The following BICRAL variants were observed in gnomAD, a reference collection of about 807,000 sequenced individuals.
BICRAL encodes the protein BRD4-interacting chromatin-remodeling complex-associated protein-like.
Under a neutral mutation model 91.8 loss-of-function variants are expected in BICRAL, and 8 were observed. That is an observed-to-expected ratio of 0.09 (90% CI 0.05 to 0.16). BICRAL has a LOEUF of 0.16. Among genes scored for constraint, BICRAL ranks in the 10% least tolerant of loss-of-function variants. The pLI, the probability that BICRAL is intolerant of heterozygous loss-of-function variation, is 1.00. For missense variants in BICRAL, 1,038 were observed against 1,310.9 expected (o/e 0.79, Z 3.21); for synonymous variants, 445 against 491.1 (o/e 0.91, Z 1.24).
intron 1 of BICRAL, among the ~76,000 whole-genome samples, chr6:42,773,008 C>T (rs542077171): frequency 1.3e-5 from 2 of 152,100 alleles, no homozygotes; most frequent in African/African-American, 4.8e-5. Context: ...AGAATGATTA[C>T]CCAATAACCC....
At chr6:42,751,217 C>G (rs1306320144) in intron 1 of BICRAL, among the ~76,000 whole-genome samples, 1 of 151,936 alleles carries the variant, frequency 6.6e-6, no homozygotes, top group Non-Finnish European at 1.5e-5. Flanking sequence ...AAGTCCCCCT[C>G]CAACCCCAAG....
chr6:42,815,469 GGCGTGA>G (rs2113926575), intron 2 of BICRAL, among the ~76,000 whole-genome samples: 1 of 152,128 alleles, frequency 6.6e-6, no homozygotes, highest in East Asian at 1.9e-4. Flanking sequence ...TGGGATTACA[GGCGTGA>G]GCCACCGTGC....
chr6:42,845,217 T>G (rs1347779503), intron 6 of BICRAL, among the ~76,000 whole-genome samples: 28 of 65,448 alleles, frequency 4.3e-4, no homozygotes, highest in African/African-American at 1.8e-3. Context: ...TTTTTTTTTT[T>G]TTTTTTTTTT....
rs1243991640 is a variant in BICRAL at position 42,866,068 on chromosome 6, A to G, written c.*622A>G. On this transcript the variant is annotated 3_prime_UTR_variant, in exon 13 of 13. Transcript: ENST00000314073. Reference sequence around the variant, plus strand: ...CAGCCCTGGTGGAAAAGCCAGTAGCACATACGCAGGGCATTGCAGGGCTTC... The same window carrying G: ...CAGCCCTGGTGGAAAAGCCAGTAGCGCATACGCAGGGCATTGCAGGGCTTC... 2.6e-5 allele frequency: 4 copies of G among 152,574 alleles called. No individual in the cohort carries two copies. Among genetic ancestry groups the G allele is most frequent in the Non-Finnish European group, 5.9e-5 (4 of 68,374 alleles). The allele number at this position is 152,574 out of a possible 1,614,324, so 9.5% of individuals were successfully genotyped here.
At chr6:42,797,248 G>A (rs890652845) in intron 1 of BICRAL, among the ~76,000 whole-genome samples, 6 of 152,014 alleles carry the variant, frequency 3.9e-5, no homozygotes, top group Non-Finnish European at 8.8e-5. Flanking sequence ...AACCAATTTA[G>A]GTTGGGATTT....
rs757110534 is a variant in BICRAL, at chr6:42,857,100, G to A, written c.2118G>A (p.Gln706=). The A allele has an allele frequency of 4.2e-5, 67 of 1,612,074 alleles. No individual in the cohort carries two copies. Among genetic ancestry groups the A allele is most frequent in the Middle Eastern group, 1.7e-4 (1 of 6,060 alleles). ...KQLTKGAFIL[Q]QLQRDQAHTV... Reference sequence around the variant, plus strand: ...CATTTCCCTTGTAAAGCATTCTCCAGCAGTTGCAGAGGGACCAAGCCCACA... The same window carrying A: ...CATTTCCCTTGTAAAGCATTCTCCAACAGTTGCAGAGGGACCAAGCCCACA... Residue 706 remains glutamine, a synonymous_variant, in exon 10 of 13, where the codon CAG becomes CAA. Transcript: ENST00000314073.
At chr6:42,788,143 G>C (rs962609718) in intron 1 of BICRAL, among the ~76,000 whole-genome samples, 7 of 151,160 alleles carry the variant, frequency 4.6e-5, no homozygotes, top group Non-Finnish European at 8.8e-5. Flanking sequence ...ATGGGAACTA[G>C]ATAGGCTAAT....
At chr6:42,792,748 A>C (rs1003862255) in intron 1 of BICRAL, among the ~76,000 whole-genome samples, 1 of 151,898 alleles carries the variant, frequency 6.6e-6, no homozygotes, top group Admixed American at 6.6e-5. Context: ...CCCCATCTCT[A>C]CTAAAAATAC....
At chr6:42,792,806 T>G (rs1320190258) in intron 1 of BICRAL, among the ~76,000 whole-genome samples, 2 of 151,792 alleles carry the variant, frequency 1.3e-5, no homozygotes, top group Admixed American at 6.6e-5. Context: ...CCAGCTATTC[T>G]GGAGGCTGAG....
At position 42,868,146 on chromosome 6, in the gene BICRAL, C is replaced by A. The variant is rs1454215168; in HGVS notation, c.*2700C>A. The A allele has an allele frequency of 2.7e-5, 4 of 147,644 alleles. No homozygotes were observed. Among genetic ancestry groups the A allele is most frequent in the Non-Finnish European group, 5.9e-5 (4 of 67,302 alleles). 9.1% of individuals were successfully genotyped at this position (147,644 alleles called of 1,614,324 possible). ...ATTTGATTTTCTGTGTCCTTAAGTA[C>A]TTCCTGAAGATGAAGCAAAATTTTA... is the stretch of plus-strand genomic sequence containing the variant. On this transcript the variant is annotated 3_prime_UTR_variant, in exon 13 of 13. Coordinates refer to ENST00000314073, the MANE Select transcript of BICRAL (RefSeq NM_001393499.1).
chr6:42,853,667 G>T lies in BICRAL; in HGVS notation c.1975G>T (p.Ala659Ser), dbSNP rs865774698. Residue 659 changes from alanine (A) to serine (S), a missense_variant, in exon 8 of 13, where the codon GCA becomes TCA. By Grantham distance (99) the Ala-to-Ser change is moderately conservative. Coordinates refer to ENST00000314073, the MANE Select transcript of BICRAL (RefSeq NM_001393499.1). ...GGATTCTGGAAGCAAAGTTATATCC[G>T]CATCCTTAGGAACCGCACAACCACA... is the stretch of plus-strand genomic sequence containing the variant. The part of the protein sequence containing the change: ...GQDSGSKVIS[A>S]SLGTAQPQQE... 6.2e-7 allele frequency: 1 copy of T among 1,613,578 alleles called. No homozygotes were observed. Among genetic ancestry groups the T allele is most frequent in the Non-Finnish European group, 8.5e-7 (1 of 1,179,526 alleles).
chr6:42,804,502 G>A (rs953612629), intron 1 of BICRAL, among the ~76,000 whole-genome samples: 1 of 152,156 alleles, frequency 6.6e-6, no homozygotes, highest in East Asian at 1.9e-4. Flanking sequence ...CTAAAGAAAG[G>A]CAGTGTCATT....
intron 1 of BICRAL, among the ~76,000 whole-genome samples, chr6:42,803,270 CTT>C (rs2113902653): frequency 6.6e-6 from 1 of 152,334 alleles, no homozygotes; most frequent in East Asian, 1.9e-4. Flanking sequence ...GACACACAAT[CTT>C]TTATTCTGTG....
chr6:42,826,423 C>G (rs569897565), intron 5 of BICRAL, among the ~76,000 whole-genome samples: 20 of 151,630 alleles, frequency 1.3e-4, no homozygotes, highest in Non-Finnish European at 2.4e-4. Flanking sequence ...TTAGTAGAAA[C>G]GAGGTTTCAC....
Position 42,829,342 on chromosome 6 carries a change from C to A in BICRAL, c.1009C>A (p.His337Asn), listed in dbSNP as rs753231676. The A allele has an allele frequency of 3.7e-6, 6 of 1,614,164 alleles. No individual in the cohort carries two copies. Among genetic ancestry groups the A allele is most frequent in the Non-Finnish European group, 5.1e-6 (6 of 1,180,020 alleles). Residue 337 changes from histidine (H) to asparagine (N), a missense_variant, in exon 6 of 13, where the codon CAC becomes AAC. Coordinates refer to ENST00000314073, the MANE Select transcript of BICRAL (RefSeq NM_001393499.1). The stretch of plus-strand genomic sequence containing the variant: ...GAACAATTTGGGAATTCAGCAGCAC[C>A]ACGTACAACAAGGGATCTCTTTTGC... ...NVNNLGIQQH[H>N]VQQGISFASA...
intron 5 of BICRAL, among the ~76,000 whole-genome samples, chr6:42,825,183 C>G (rs1764256495): frequency 6.7e-6 from 1 of 148,954 alleles, no homozygotes; most frequent in Non-Finnish European, 1.5e-5. Flanking sequence ...TTGCTTGAAC[C>G]TGGGAGGTGG....
At chr6:42,808,552 T>C (rs889244815) in intron 1 of BICRAL, among the ~76,000 whole-genome samples, 11 of 152,220 alleles carry the variant, frequency 7.2e-5, no homozygotes, top group African/African-American at 2.7e-4. Flanking sequence ...TTGTTGATGA[T>C]CATTCCTTTA....
chr6:42,812,718 A>G (rs2113920238), intron 2 of BICRAL, among the ~76,000 whole-genome samples: 1 of 152,228 alleles, frequency 6.6e-6, no homozygotes, highest in South Asian at 2.1e-4. Context: ...GCTATCCTAA[A>G]TGAAAGCCGG....
Position 42,750,529 on chromosome 6 carries a change from C to T in BICRAL, c.-261+3506C>T, listed in dbSNP as rs1211382460. 2.6e-5 allele frequency among the ~76,000 whole-genome samples: 4 copies of T among 152,088 alleles called. No homozygotes were observed. The East Asian group carries it at 7.7e-4, about 29-fold the overall frequency. ...CAAAAAAGCATAGAAAATATTTTCT[C>T]AATAGCAGATTGCCAGTCTATATTC... is the stretch of plus-strand genomic sequence containing the variant. On this transcript the variant is annotated intron_variant, in intron 1 of 14. Coordinates refer to the BICRAL transcript ENST00000614467.
Sources: allele counts gnomAD v4.1 joint callset (sites outside exome capture counted in the v4.1 genomes callset), GRCh38; gene constraint gnomAD v4.1.1; transcripts MANE v1.5; gene names NCBI Gene and HGNC (gene_info 2026-07-23, HGNC 2026-07-21).